The following DIPK1A variants were observed in gnomAD, a reference collection of about 807,000 sequenced individuals.
DIPK1A encodes divergent protein kinase domain 1A.
DIPK1A carries 27 observed loss-of-function variants against 40.8 expected under a neutral mutation model. The ratio of observed to expected loss-of-function variants is 0.66; its 90% CI spans 0.49 to 0.91. DIPK1A has a LOEUF of 0.91. DIPK1A is among the 40% of genes least tolerant of loss of function. The pLI, the probability that DIPK1A is intolerant of heterozygous loss-of-function variation, is 0.00. For synonymous variants in DIPK1A, 166 were observed against 171.3 expected (o/e 0.97, Z 0.24); for missense variants, 412 against 505.7 (o/e 0.81, Z 1.78).
chr1:92,895,261 T>C (rs1571101766), intron 1 of DIPK1A, among the ~76,000 whole-genome samples: 3 of 151,964 alleles, frequency 2.0e-5, no homozygotes. Flanking sequence ...CTCAATAAAA[T>C]ACTGGCAAAC....
chr1:92,911,692 C>T (rs1649830317), intron 1 of DIPK1A, among the ~76,000 whole-genome samples: 1 of 151,914 alleles, frequency 6.6e-6, no homozygotes, highest in Non-Finnish European at 1.5e-5. Context: ...AGTATAATTG[C>T]TGGGTCATAT....
intron 1 of DIPK1A, among the ~76,000 whole-genome samples, chr1:92,891,650 AGACAGTGGGTGCAG>A (rs1334777563): frequency 6.6e-6 from 1 of 152,146 alleles, no homozygotes; most frequent in Non-Finnish European, 1.5e-5. Flanking sequence ...GGGGATTGTC[AGACAGTGGGTGCAG>A]GACAGTGGGT....
chr1:92,861,798 T>C (rs530506906), intron 2 of DIPK1A, among the ~76,000 whole-genome samples: 30 of 152,034 alleles, frequency 2.0e-4, no homozygotes, highest in African/African-American at 7.0e-4. Context: ...TCAATCTTTT[T>C]TGAGACAGGG....
At chr1:92,936,567 T>A (rs1650954501) in intron 1 of DIPK1A, among the ~76,000 whole-genome samples, 1 of 144,680 alleles carries the variant, frequency 6.9e-6, no homozygotes, top group African/African-American at 2.6e-5. Flanking sequence ...ACGCTGAGGT[T>A]GCGATGGGCC....
At chr1:92,960,262 T>C (rs977447621) in intron 1 of DIPK1A, among the ~76,000 whole-genome samples, 1 of 152,104 alleles carries the variant, frequency 6.6e-6, no homozygotes, top group African/African-American at 2.4e-5. Flanking sequence ...CATTTCAGGG[T>C]AATGACTTAC....
intron 1 of DIPK1A, among the ~76,000 whole-genome samples, chr1:92,911,684 TA>T (rs1649830111): frequency 6.6e-6 from 1 of 151,940 alleles, no homozygotes; most frequent in Admixed American, 6.6e-5. Context: ...TGCTCAGGAG[TA>T]TAATTGCTGG....
At chr1:92,838,985 A>G (rs373283038), downstream of DIPK1A, among the ~76,000 whole-genome samples, 281 of 150,664 alleles carry the variant, frequency 1.9e-3, 3 homozygotes, top group African/African-American at 6.1e-3. Context: ...TTACTGTGAC[A>G]TAGTCTGTAG....
At chr1:92,846,829 A>ATGTGTG (rs1687632385) in intron 4 of DIPK1A, among the ~76,000 whole-genome samples, 1 of 6,534 alleles carries the variant, frequency 1.5e-4, no homozygotes, top group African/African-American at 1.3e-3. Flanking sequence ...ATATATATAT[A>ATGTGTG]TATATATATA....
chr1:92,928,867 C>T (rs1473819645), intron 1 of DIPK1A, among the ~76,000 whole-genome samples: 1 of 152,034 alleles, frequency 6.6e-6, no homozygotes, highest in Non-Finnish European at 1.5e-5. Context: ...GAGGCTGAGG[C>T]AGGAGAATTG....
intron 2 of DIPK1A, among the ~76,000 whole-genome samples, chr1:92,868,665 A>G (rs999315330): frequency 3.3e-5 from 5 of 152,168 alleles, no homozygotes; most frequent in African/African-American, 1.2e-4. Context: ...ACATTCCACA[A>G]TAAGAACGTA....
Position 92,842,249 on chromosome 1 carries a change from C to A in DIPK1A, c.*1134G>T. 2 of 988,866 alleles carry A rather than the reference C, an allele frequency of 2.0e-6. No homozygotes were observed. Among genetic ancestry groups the A allele is most frequent in the Non-Finnish European group, 2.4e-6 (2 of 832,288 alleles). The allele number at this position is 988,866 out of a possible 1,614,324, so 61.3% of individuals were successfully genotyped here. ...AAACAAAACTGGTGCTAATCCATGG[C>A]GTTGAAGGAAAGTTTTGAGAGAAAG... On this transcript the variant is annotated 3_prime_UTR_variant, in exon 5 of 5. Coordinates refer to ENST00000370310, the MANE Select transcript of DIPK1A (RefSeq NM_001006605.5).
intron 2 of DIPK1A, among the ~76,000 whole-genome samples, chr1:92,871,406 C>CT (rs1430988999): frequency 1.5e-4 from 23 of 152,196 alleles, no homozygotes; most frequent in African/African-American, 5.5e-4. Flanking sequence ...CTCAGGTGAT[C>CT]TGCCTGCCTC....
chr1:92,842,177 A>G lies in DIPK1A; in HGVS notation c.*1206T>C, dbSNP rs1319879900. The stretch of plus-strand genomic sequence containing the variant: ...ACCATCAGTGGGAAATATTTCTTCC[A>G]TCCATTTATTATAACCAGATGATGA... On this transcript the variant is annotated 3_prime_UTR_variant, in exon 5 of 5. Coordinates refer to ENST00000370310, the MANE Select transcript of DIPK1A (RefSeq NM_001006605.5). 1 of 1,029,510 alleles carries G rather than the reference A, an allele frequency of 9.7e-7. No homozygotes were observed. The highest frequency in any genetic ancestry group is 1.2e-6 in the Non-Finnish European group (1 of 856,494). 63.8% of individuals were successfully genotyped at this position (1,029,510 alleles called of 1,614,324 possible).
At chr1:92,915,910 A>G (rs1650035479) in intron 1 of DIPK1A, among the ~76,000 whole-genome samples, 1 of 152,242 alleles carries the variant, frequency 6.6e-6, no homozygotes, top group Non-Finnish European at 1.5e-5. Context: ...GGTATACCAT[A>G]CAATGGAATA....
chr1:92,866,594 C>T (rs1467464930), intron 2 of DIPK1A, among the ~76,000 whole-genome samples: 1 of 152,114 alleles, frequency 6.6e-6, no homozygotes, highest in East Asian at 1.9e-4. Context: ...AGGCCATAGC[C>T]CCCAGTTATC....
intron 1 of DIPK1A, 36 bp downstream of exon 1, chr1:92,961,340 C>T: frequency 1.4e-6 from 2 of 1,470,094 alleles, no homozygotes; most frequent in South Asian, 1.2e-5. Context: ...CGGCCGGGTG[C>T]TCCCGCAGCT....
chr1:92,870,006 G>A (rs552243592), intron 2 of DIPK1A, among the ~76,000 whole-genome samples: 1 of 151,212 alleles, frequency 6.6e-6, no homozygotes, highest in South Asian at 2.1e-4. Context: ...TACATTTCAA[G>A]TTAGGAAGGG....
At chr1:92,861,879 G>A (rs935369099) in intron 2 of DIPK1A, among the ~76,000 whole-genome samples, 3 of 151,182 alleles carry the variant, frequency 2.0e-5, no homozygotes, top group African/African-American at 4.9e-5. Flanking sequence ...CCCTGGGCTC[G>A]GGTGATCCTC....
intron 1 of DIPK1A, among the ~76,000 whole-genome samples, chr1:92,891,202 T>C (rs1235338260): frequency 6.6e-6 from 1 of 152,094 alleles, no homozygotes; most frequent in Non-Finnish European, 1.5e-5. Context: ...TATTTAGGTA[T>C]TTTCTCTTTT....
Sources: gnomAD v4.1 joint callset for allele counts (sites outside exome capture counted in the v4.1 genomes callset) on GRCh38, gnomAD v4.1.1 for gene constraint, MANE v1.5 for transcripts, NCBI Gene and HGNC (gene_info 2026-07-23, HGNC 2026-07-21) for gene names.